The following NIPBL variants were observed in gnomAD, a reference collection of about 807,000 sequenced individuals.
The protein encoded by NIPBL is NIPBL cohesin loading factor, also known as nipped-B-like protein.
A neutral mutation model predicts 321.8 loss-of-function variants in NIPBL; 19 were observed. The observed-to-expected ratio is 0.06, with a 90% confidence interval of 0.04 to 0.09. The LOEUF (loss-of-function observed/expected upper bound fraction) is 0.09. Ranked by LOEUF, NIPBL falls within the 10% of genes least tolerant of loss-of-function variation. NIPBL has a pLI of 1.00. For synonymous variants in NIPBL, 1,106 were observed against 1,114.1 expected, an observed-to-expected ratio of 0.99 and a Z score of 0.14; for missense variants, 2,210 against 3,327.0, an observed-to-expected ratio of 0.66 and a Z score of 8.26.
At chr5:36,970,809 TA>T in intron 6 of NIPBL, 66 bp from the exon 7 acceptor site, 1 of 1,334,096 alleles carries the variant, frequency 7.5e-7, no homozygotes, top group Non-Finnish European at 1.1e-6. Context: ...TATTTGTGAA[TA>T]ATTACTATTC....
intron 1 of NIPBL, among the ~76,000 whole-genome samples, chr5:36,936,476 C>T (rs77455203): frequency 6.6e-5 from 10 of 152,036 alleles, no homozygotes; most frequent in Admixed American, 2.0e-4. Flanking sequence ...GCAATAGGTG[C>T]GTAGTAGGCT....
intron 1 of NIPBL, among the ~76,000 whole-genome samples, chr5:36,907,626 G>A (rs1042150421): frequency 1.3e-5 from 2 of 152,106 alleles, no homozygotes; most frequent in Non-Finnish European, 2.9e-5. Flanking sequence ...AGAAGAAAAT[G>A]TCAGAGCATA....
chr5:36,994,577 G>A (rs1413320178), intron 10 of NIPBL, among the ~76,000 whole-genome samples: 3 of 151,984 alleles, frequency 2.0e-5, no homozygotes, highest in Non-Finnish European at 4.4e-5. Context: ...AATATTTCCT[G>A]CTATAAACCA....
chr5:36,952,068 G>A (rs73750910), intron 1 of NIPBL, among the ~76,000 whole-genome samples: 2,183 of 140,190 alleles, frequency 0.016, 62 homozygotes, highest in African/African-American at 0.051. Context: ...GCGCGCGCGC[G>A]CGCGCATGTG....
At chr5:36,949,322 A>G (rs974063836) in intron 1 of NIPBL, among the ~76,000 whole-genome samples, 3 of 151,842 alleles carry the variant, frequency 2.0e-5, no homozygotes, top group African/African-American at 7.2e-5. Flanking sequence ...ATGTACCATC[A>G]TTTGTTATAC....
chr5:36,937,959 C>T (rs1225265447), intron 1 of NIPBL, among the ~76,000 whole-genome samples: 1 of 152,160 alleles, frequency 6.6e-6, no homozygotes, highest in Non-Finnish European at 1.5e-5. Context: ...GCTCCCATCC[C>T]TGAAAACCTT....
intron 10 of NIPBL, among the ~76,000 whole-genome samples, chr5:36,988,051 C>T (rs1408710528): frequency 1.3e-5 from 2 of 152,156 alleles, no homozygotes; most frequent in Admixed American, 6.5e-5. Context: ...TTCTCTCCCT[C>T]CCCTCTCAGC....
At chr5:36,980,537 T>A (rs1318476635) in intron 9 of NIPBL, among the ~76,000 whole-genome samples, 1 of 151,664 alleles carries the variant, frequency 6.6e-6, no homozygotes, top group Non-Finnish European at 1.5e-5. Flanking sequence ...TATGTTTAGA[T>A]ATGTTTTAGA....
chr5:36,924,649 A>T (rs1402584948), intron 1 of NIPBL, among the ~76,000 whole-genome samples: 4 of 152,240 alleles, frequency 2.6e-5, no homozygotes, highest in Non-Finnish European at 5.9e-5. Flanking sequence ...GATGATTGCC[A>T]TGAAAATTAA....
chr5:36,955,627 A>T lies in NIPBL; in HGVS notation c.220A>T (p.Thr74Ser). 1.2e-6 allele frequency: 2 copies of T among 1,613,916 alleles called. No individual in the cohort carries two copies. The highest frequency in any genetic ancestry group is 8.5e-7 in the Non-Finnish European group (1 of 1,179,884). The change falls in exon 3 of 47, where the codon ACA (threonine) becomes TCA (serine). Residue 74 changes from threonine to serine, a missense_variant. Coordinates refer to ENST00000282516, the MANE Select transcript of NIPBL (RefSeq NM_133433.4). Reference sequence around the variant, plus strand: ...TGTCCATAGCCTCAACCAGGTATCAACAGATCACATGTAAGTATGATCAAT... The same window carrying T: ...TGTCCATAGCCTCAACCAGGTATCATCAGATCACATGTAAGTATGATCAAT... ...QLVHSLNQVS[T>S]DHIELKDNLG...
chr5:36,896,724 G>A (rs567782426), intron 1 of NIPBL, among the ~76,000 whole-genome samples: 13 of 152,120 alleles, frequency 8.5e-5, no homozygotes, highest in African/African-American at 2.9e-4. Context: ...CTTAGCCTCC[G>A]AGTAGCTGGG....
intron 38 of NIPBL, among the ~76,000 whole-genome samples, chr5:37,048,250 C>T (rs115062006): frequency 2.6e-3 from 398 of 152,254 alleles, no homozygotes; most frequent in African/African-American, 9.2e-3. Flanking sequence ...CCACTAGGCC[C>T]TGCTCCCTCC....
At chr5:36,951,314 G>A (rs1400924430) in intron 1 of NIPBL, among the ~76,000 whole-genome samples, 1 of 152,134 alleles carries the variant, frequency 6.6e-6, no homozygotes, top group Non-Finnish European at 1.5e-5. Flanking sequence ...CAGTCAGGTA[G>A]CCCACAGTAG....
At chr5:36,911,905 A>ATT (rs1748079618) in intron 1 of NIPBL, among the ~76,000 whole-genome samples, 1 of 152,220 alleles carries the variant, frequency 6.6e-6, no homozygotes, top group East Asian at 1.9e-4. Context: ...TAAGCAGTGA[A>ATT]TTTTATAAAA....
chr5:36,898,748 C>T (rs1746978680), intron 1 of NIPBL, among the ~76,000 whole-genome samples: 2 of 151,988 alleles, frequency 1.3e-5, no homozygotes, highest in Admixed American at 6.6e-5. Flanking sequence ...CGACCTCAGG[C>T]GATCCACCCA....
chr5:37,042,245 G>C (rs1007116207), intron 34 of NIPBL, among the ~76,000 whole-genome samples: 7 of 151,412 alleles, frequency 4.6e-5, no homozygotes, highest in Non-Finnish European at 8.8e-5. Flanking sequence ...GACCAGCCTG[G>C]CCAGCATGGT....
In NIPBL at chr5:37,022,018, A is replaced by G. The variant is rs116413344; in HGVS notation, c.5329-33A>G. The G allele has an allele frequency of 1.5e-3, 2,312 of 1,558,484 alleles. 26 individuals carry two copies. In the African/African-American group the frequency reaches 0.028, roughly 19 times the overall value. ...TTTTAATTAAATTTTATGTATTCTA[A>G]AATTTACAAAAATGTCAATGTTTGC... On this transcript the variant is annotated intron_variant, in intron 27 of 46. Coordinates refer to ENST00000282516, the MANE Select transcript of NIPBL (RefSeq NM_133433.4).
At chr5:37,026,167 T>G (rs1750239815) in intron 30 of NIPBL, 62 bp from the exon 31 acceptor site, 1 of 938,896 alleles carries the variant, frequency 1.1e-6, no homozygotes, top group South Asian at 1.4e-5. Flanking sequence ...AATGAGAATT[T>G]GGAATTGTGA....
At chr5:36,898,913 C>T (rs2149532025) in intron 1 of NIPBL, among the ~76,000 whole-genome samples, 1 of 152,042 alleles carries the variant, frequency 6.6e-6, no homozygotes, top group East Asian at 1.9e-4. Flanking sequence ...GAACTTATTC[C>T]TAGGTGGATT....
Sources: allele counts gnomAD v4.1 joint callset (sites outside exome capture counted in the v4.1 genomes callset), GRCh38; gene constraint gnomAD v4.1.1; transcripts MANE v1.5; gene names NCBI Gene and HGNC (gene_info 2026-07-23, HGNC 2026-07-21).